Variants in GALNT18 observed in about 807,000 individuals in gnomAD.
The protein encoded by GALNT18 is polypeptide N-acetylgalactosaminyltransferase 18, also known as GalNAc-transferase 18.
In GALNT18, 44 loss-of-function variants were observed where a neutral mutation model predicts 69.5. The observed-to-expected ratio is 0.63, with a 90% confidence interval of 0.50 to 0.81. The LOEUF (loss-of-function observed/expected upper bound fraction) is 0.81, where lower values mean the gene tolerates loss of function less well. Among genes scored for constraint, GALNT18 ranks in the 40% least tolerant of loss-of-function variants. The pLI is 0.00. For missense variants in GALNT18, 715 were observed against 810.0 expected, an observed-to-expected ratio of 0.88 and a Z score of 1.42; for synonymous variants, 364 against 318.2, an observed-to-expected ratio of 1.14 and a Z score of -1.53.
intron 3 of GALNT18, among the ~76,000 whole-genome samples, chr11:11,407,617 C>G (rs759800935): frequency 7.2e-5 from 11 of 152,156 alleles, no homozygotes; most frequent in Admixed American, 2.0e-4. Context: ...ATTTAGGGGA[C>G]AGGAGAGGAG....
At chr11:11,376,377 G>A (rs544997705) in intron 5 of GALNT18, among the ~76,000 whole-genome samples, 34 of 53,754 alleles carry the variant, frequency 6.3e-4, no homozygotes, top group East Asian at 6.5e-4. Flanking sequence ...GTGAGACTCC[G>A]TCTCAAAAAC....
chr11:11,392,410 G>A (rs962278767), intron 3 of GALNT18, among the ~76,000 whole-genome samples: 1 of 152,098 alleles, frequency 6.6e-6, no homozygotes, highest in Non-Finnish European at 1.5e-5. Flanking sequence ...ACCCGAGGTC[G>A]GGAGTTCAAG....
intron 6 of GALNT18, among the ~76,000 whole-genome samples, chr11:11,364,139 A>G (rs766423759): frequency 3.3e-5 from 5 of 152,228 alleles, no homozygotes; most frequent in Non-Finnish European, 5.9e-5. Flanking sequence ...GACTTTTCCA[A>G]ATGAATTTAT....
At chr11:11,559,812 A>T (rs1378492319) in intron 1 of GALNT18, among the ~76,000 whole-genome samples, 1 of 151,728 alleles carries the variant, frequency 6.6e-6, no homozygotes, top group African/African-American at 2.4e-5. Context: ...ATGAGATATG[A>T]TCAGGTGGAA....
chr11:11,566,500 A>G (rs1428045871), intron 1 of GALNT18, among the ~76,000 whole-genome samples: 1 of 152,230 alleles, frequency 6.6e-6, no homozygotes, highest in Non-Finnish European at 1.5e-5. Flanking sequence ...CTGCAGGAGA[A>G]TATCTCTGCT....
intron 3 of GALNT18, among the ~76,000 whole-genome samples, chr11:11,394,309 T>A (rs1015742537): frequency 6.6e-6 from 1 of 152,170 alleles, no homozygotes; most frequent in Non-Finnish European, 1.5e-5. Context: ...TGAATGTGCA[T>A]GGCATGCTTG....
At chr11:11,478,927 CGG>C (rs1420372226) in intron 1 of GALNT18, among the ~76,000 whole-genome samples, 14 of 7,440 alleles carry the variant, frequency 1.9e-3, no homozygotes, top group African/African-American at 2.9e-3. Flanking sequence ...GCATCTCCCG[CGG>C]AGGTGGCATC....
Position 11,413,773 on chromosome 11 carries a change from T to C in GALNT18, c.595+18848A>G, listed in dbSNP as rs1854786821. On this transcript the variant is annotated intron_variant, in intron 3 of 10. Coordinates refer to ENST00000227756, the MANE Select transcript of GALNT18 (RefSeq NM_198516.3). This position sits in a 1 kb window ranked among gnomAD's most constrained non-coding sequence, Gnocchi z 4.7. Reference sequence around the variant, plus strand: ...TCACCATTCTTCAAGAGGATGACTGTGGAGCTAGCTGTGCAGCCAAGCCAG... The same window carrying C: ...TCACCATTCTTCAAGAGGATGACTGCGGAGCTAGCTGTGCAGCCAAGCCAG... Among the ~76,000 whole-genome samples the C allele has an allele frequency of 6.6e-6, 1 of 152,186 alleles. No homozygotes were observed. The highest frequency in any genetic ancestry group is 2.1e-4 in the South Asian group (1 of 4,824).
intron 1 of GALNT18, among the ~76,000 whole-genome samples, chr11:11,610,119 C>A (rs1357435870): frequency 6.6e-6 from 1 of 152,186 alleles, no homozygotes; most frequent in Non-Finnish European, 1.5e-5. Context: ...AAGGAGGCTG[C>A]CAAAATAATC....
In GALNT18 at chr11:11,347,103, TCA is replaced by T. The variant is rs897029000; in HGVS notation, c.1093-6101_1093-6100del. Among the ~76,000 whole-genome samples the T allele has an allele frequency of 2.0e-5, 3 of 152,160 alleles. No homozygotes were observed. Among genetic ancestry groups the T allele is most frequent in the Non-Finnish European group, 4.4e-5 (3 of 68,016 alleles). On this transcript the variant is annotated intron_variant, in intron 6 of 10. Coordinates refer to ENST00000227756, the MANE Select transcript of GALNT18 (RefSeq NM_198516.3). This position sits in a 1 kb window ranked among gnomAD's most constrained non-coding sequence, Gnocchi z 4.0. ...CAGGGTTACATCTTGTATTGGCCAC[TCA>T]CACAAACAAGCCTCCTGCTCCCAAG...
intron 1 of GALNT18, among the ~76,000 whole-genome samples, chr11:11,577,379 C>T (rs1010468883): frequency 4.6e-5 from 7 of 152,264 alleles, no homozygotes; most frequent in Non-Finnish European, 7.4e-5. Flanking sequence ...CAGCCCTGCT[C>T]CTGGGCAGGT....
intron 1 of GALNT18, among the ~76,000 whole-genome samples, chr11:11,512,538 G>T (rs552252507): frequency 2.0e-5 from 3 of 152,290 alleles, no homozygotes; most frequent in South Asian, 4.2e-4. Context: ...CATATATGGG[G>T]ACACACACAG....
At chr11:11,551,147 C>T (rs1034984226) in intron 1 of GALNT18, among the ~76,000 whole-genome samples, 2 of 149,300 alleles carry the variant, frequency 1.3e-5, no homozygotes, top group African/African-American at 4.9e-5. Flanking sequence ...TACTCTATAA[C>T]AAGTTCACTT....
chr11:11,359,946 A>G (rs1850607634), intron 6 of GALNT18, among the ~76,000 whole-genome samples: 2 of 152,216 alleles, frequency 1.3e-5, no homozygotes, highest in African/African-American at 4.8e-5. Flanking sequence ...TGGACCTCAC[A>G]GGGATCGTAC....
chr11:11,522,894 G>A (rs1315826803), intron 1 of GALNT18, among the ~76,000 whole-genome samples: 1 of 152,140 alleles, frequency 6.6e-6, no homozygotes, highest in Non-Finnish European at 1.5e-5. Flanking sequence ...TGGGTTTACA[G>A]TCTCCCCACC....
intron 9 of GALNT18, among the ~76,000 whole-genome samples, chr11:11,326,280 G>A (rs1383689850): frequency 9.9e-5 from 15 of 152,206 alleles, no homozygotes; most frequent in East Asian, 3.9e-4. Context: ...TCCTGAACTC[G>A]TGATCCACCC....
rs112541706 is a variant in GALNT18 at position 11,503,231 on chromosome 11, G to A, written c.236-54295C>T. Among the ~76,000 whole-genome samples the A allele has an allele frequency of 4.6e-3, 704 of 152,282 alleles. 5 individuals are homozygous for A. Among genetic ancestry groups the A allele is most frequent in the African/African-American group, 0.016 (674 of 41,546 alleles). ...ACAGTGAGATTTTGGAGTCAGAGAA[G>A]CCTAATTCCCAGAGCCAGCTTTCCC... is the stretch of plus-strand genomic sequence containing the variant. On this transcript the variant is annotated intron_variant, in intron 1 of 10. Coordinates refer to ENST00000227756, the MANE Select transcript of GALNT18 (RefSeq NM_198516.3).
At chr11:11,274,402 G>A (rs1348319612) in intron 10 of GALNT18, among the ~76,000 whole-genome samples, 3 of 152,170 alleles carry the variant, frequency 2.0e-5, no homozygotes, top group Admixed American at 2.0e-4. Flanking sequence ...TGGATCAGTG[G>A]GTCCCACTCC....
In GALNT18 at chr11:11,341,967, AATT is replaced by A. The variant is rs752308573; in HGVS notation, c.1093-966_1093-964del. 3.6e-5 allele frequency among the ~76,000 whole-genome samples: 5 copies of A among 140,456 alleles called. No individual in the cohort carries two copies. Among genetic ancestry groups the A allele is most frequent in the Non-Finnish European group, 4.8e-5 (3 of 62,202 alleles). The allele number at this position is 140,456 out of a possible 152,430, so 92.1% of individuals were successfully genotyped here. ...TGAGATCCTGTCTCTAAAACATTAA[AATT>A]TTTTTTTTTTTAAAAAGACCTTGAC... On this transcript the variant is annotated intron_variant, in intron 6 of 10. Transcript: ENST00000227756. The surrounding 1 kb of genome is among the most constrained non-coding windows in gnomAD (Gnocchi z 6.3).
Sources: gnomAD v4.1 joint callset for allele counts (sites outside exome capture counted in the v4.1 genomes callset) on GRCh38, gnomAD v4.1.1 for gene constraint, Gnocchi (gnomAD v3.1) non-coding constraint, MANE v1.5 for transcripts, NCBI Gene and HGNC (gene_info 2026-07-23, HGNC 2026-07-21) for gene names.